CCSER1: variants seen among roughly 807,000 people sequenced by gnomAD.
CCSER1 encodes coiled-coil serine rich protein 1.
In CCSER1, 41 loss-of-function variants were observed where a neutral mutation model predicts 82.0. That is an observed-to-expected ratio of 0.50 (90% confidence interval 0.39 to 0.65). The LOEUF is 0.65. CCSER1 is among the 30% of genes least tolerant of loss of function. The pLI is 0.00. For missense variants in CCSER1, 1,119 were observed against 1,064.2 expected (o/e 1.05, Z -0.72); for synonymous variants, 414 against 383.9 (o/e 1.08, Z -0.92).
chr4:90,608,043 G>A (rs1784964568), intron 5 of CCSER1, among the ~76,000 whole-genome samples: 1 of 152,098 alleles, frequency 6.6e-6, no homozygotes, highest in Admixed American at 6.6e-5. Context: ...TTTTAAAACT[G>A]TACAAAATAT....
intron 10 of CCSER1, among the ~76,000 whole-genome samples, chr4:91,333,132 TATGAG>T (rs143962531): frequency 0.01 from 1,552 of 152,064 alleles, 21 homozygotes; most frequent in African/African-American, 0.035. Context: ...ATGCTATTGT[TATGAG>T]AGGAATTGTC....
chr4:90,943,923 T>C (rs1731911674), intron 9 of CCSER1, among the ~76,000 whole-genome samples: 1 of 151,142 alleles, frequency 6.6e-6, no homozygotes, highest in South Asian at 2.1e-4. Context: ...AGTAAGCAAT[T>C]TGTATTGATT....
At chr4:90,499,594 C>G (rs1769545460) in intron 5 of CCSER1, among the ~76,000 whole-genome samples, 1 of 152,072 alleles carries the variant, frequency 6.6e-6, no homozygotes, top group African/African-American at 2.4e-5. Context: ...TTCACACTAT[C>G]TATTTGCCTG....
intron 1 of CCSER1, among the ~76,000 whole-genome samples, chr4:90,149,487 C>T (rs1232652536): frequency 1.3e-5 from 2 of 152,110 alleles, no homozygotes; most frequent in Non-Finnish European, 2.9e-5. Context: ...CCAGCATCAA[C>T]TGGGAAATTA....
intron 8 of CCSER1, among the ~76,000 whole-genome samples, chr4:90,828,407 G>C (rs1027484962): frequency 5.3e-5 from 8 of 152,124 alleles, no homozygotes; most frequent in African/African-American, 1.7e-4. Flanking sequence ...TACAGAGTGA[G>C]AGAATGGTCA....
chr4:91,573,232 C>T (rs1763279409), intron 10 of CCSER1, among the ~76,000 whole-genome samples: 1 of 152,178 alleles, frequency 6.6e-6, no homozygotes, highest in Non-Finnish European at 1.5e-5. Flanking sequence ...TGTTCCACCC[C>T]CTCCCAACAG....
intron 10 of CCSER1, among the ~76,000 whole-genome samples, chr4:91,411,921 C>A (rs1753075133): frequency 6.6e-6 from 1 of 151,692 alleles, no homozygotes; most frequent in African/African-American, 2.4e-5. Context: ...TCATGGTTAT[C>A]CAGATGGGCC....
chr4:91,178,381 T>C (rs1005570936), intron 10 of CCSER1, among the ~76,000 whole-genome samples: 2 of 138,814 alleles, frequency 1.4e-5, no homozygotes, highest in Admixed American at 7.4e-5. Flanking sequence ...ACATTCTGTC[T>C]CGTTGATCTG....
In CCSER1 at chr4:91,013,427, T is replaced by C. The variant is rs1223091103; in HGVS notation, c.2173-72523T>C. Among the ~76,000 whole-genome samples, 7 of 133,238 alleles carry C rather than the reference T, an allele frequency of 5.3e-5. 2 individuals are homozygous for C. Among genetic ancestry groups the C allele is most frequent in the Admixed American group, 1.5e-4 (2 of 13,304 alleles). The allele number at this position is 133,238 out of a possible 152,430, so 87.4% of individuals were successfully genotyped here. A position where few individuals can be genotyped will look rare whatever the true frequency, so the allele number is the denominator to read the frequency against. ...CCCTATTCTGATCCATTGTTCTATA[T>C]GTCTGTCTTTATGCCAGTACCACAC... On this transcript the variant is annotated intron_variant, in intron 9 of 10. Transcript: ENST00000509176.
At chr4:91,169,769 A>G (rs1200294766) in intron 10 of CCSER1, among the ~76,000 whole-genome samples, 1 of 152,220 alleles carries the variant, frequency 6.6e-6, no homozygotes, top group Non-Finnish European at 1.5e-5. Context: ...TAATTAAAAA[A>G]AAAAAATTAT....
At chr4:90,413,576 G>C (rs554996783) in intron 4 of CCSER1, among the ~76,000 whole-genome samples, 249 of 152,188 alleles carry the variant, frequency 1.6e-3, no homozygotes, top group African/African-American at 5.8e-3. Context: ...CATGGTACTG[G>C]TATAAAAATG....
chr4:90,963,265 G>C (rs1016536395), intron 9 of CCSER1, among the ~76,000 whole-genome samples: 2 of 152,056 alleles, frequency 1.3e-5, no homozygotes, highest in East Asian at 3.9e-4. Context: ...TTGAATCTCC[G>C]AGGATGTGAT....
intron 5 of CCSER1, among the ~76,000 whole-genome samples, chr4:90,538,211 G>A (rs890425706): frequency 6.6e-6 from 1 of 151,926 alleles, no homozygotes; most frequent in Admixed American, 6.6e-5. Flanking sequence ...ATGGGGCTGG[G>A]GGTTGCAGCA....
chr4:90,647,108 G>A (rs1444958275), intron 6 of CCSER1, among the ~76,000 whole-genome samples: 1 of 152,072 alleles, frequency 6.6e-6, no homozygotes, highest in Non-Finnish European at 1.5e-5. Flanking sequence ...AAGCATTTAG[G>A]TTTAATTGAG....
intron 9 of CCSER1, among the ~76,000 whole-genome samples, chr4:91,041,101 A>T (rs1192771649): frequency 6.6e-6 from 1 of 152,202 alleles, no homozygotes; most frequent in African/African-American, 2.4e-5. Flanking sequence ...TAATTTTAAA[A>T]GACTAAAAAT....
chr4:90,998,056 G>A (rs17017924), intron 9 of CCSER1, among the ~76,000 whole-genome samples: 19,230 of 151,826 alleles, frequency 0.13, 1,901 homozygotes, highest in African/African-American at 0.29. Flanking sequence ...TTGAAAACTC[G>A]CTTCTTTTTT....
chr4:90,228,281 C>T (rs537899201), intron 1 of CCSER1, among the ~76,000 whole-genome samples: 16 of 152,252 alleles, frequency 1.1e-4, no homozygotes, highest in East Asian at 5.8e-4. Context: ...GATCTGAGAA[C>T]GGGCAGACTG....
chr4:90,753,987 A>G (rs1337595199), intron 7 of CCSER1, among the ~76,000 whole-genome samples: 1 of 152,122 alleles, frequency 6.6e-6, no homozygotes. Context: ...CTATCACTGT[A>G]TTTAAGAATT....
At chr4:91,290,898 A>G (rs1371208090) in intron 10 of CCSER1, among the ~76,000 whole-genome samples, 2 of 151,918 alleles carry the variant, frequency 1.3e-5, no homozygotes, top group Non-Finnish European at 2.9e-5. Context: ...TAATCCTAAA[A>G]CAAAATAAAA....
Sources: allele counts gnomAD v4.1 joint callset (sites outside exome capture counted in the v4.1 genomes callset), GRCh38; gene constraint gnomAD v4.1.1; transcripts MANE v1.5; gene names NCBI Gene and HGNC (gene_info 2026-07-23, HGNC 2026-07-21).